SEC16A: variants seen among roughly 807,000 people sequenced by gnomAD.
The protein encoded by SEC16A is protein transport protein Sec16A.
SEC16A carries 110 observed loss-of-function variants against 221.9 expected under a neutral mutation model. The ratio of observed to expected loss-of-function variants is 0.50; its 90% CI spans 0.42 to 0.58. The LOEUF (loss-of-function observed/expected upper bound fraction) is 0.58. Among genes scored for constraint, SEC16A ranks in the 20% least tolerant of loss-of-function variants. The pLI is 0.00. For missense variants in SEC16A, 3,165 were observed against 3,097.8 expected (o/e 1.02, Z -0.52); for synonymous variants, 1,393 against 1,257.7 (o/e 1.11, Z -2.28).
At chr9:136,470,788 C>T (rs892382939) in intron 4 of SEC16A, among the ~76,000 whole-genome samples, 2 of 152,252 alleles carry the variant, frequency 1.3e-5, no homozygotes, top group Non-Finnish European at 2.9e-5. Flanking sequence ...CTTTCAAAAA[C>T]AAGTGCAGGT....
At position 136,459,421 on chromosome 9, in the gene SEC16A, AC is replaced by A; in HGVS notation, c.5303+22del. 1 of 1,550,716 alleles carries A rather than the reference AC, an allele frequency of 6.4e-7. No homozygotes were observed. Among genetic ancestry groups the A allele is most frequent in the Non-Finnish European group, 8.8e-7 (1 of 1,135,870 alleles). ...TTACTTTGAAAGGAAAACTTACAGG[AC>A]TACACTGACTTGGTTCTTTACCTGT... On this transcript the variant is annotated intron_variant, in intron 16 of 31. Transcript: ENST00000684901. This position sits in a 1 kb window ranked among gnomAD's most constrained non-coding sequence, Gnocchi z 6.1.
intron 8 of SEC16A, among the ~76,000 whole-genome samples, chr9:136,465,158 T>C (rs568414221): frequency 4.7e-5 from 7 of 149,570 alleles, no homozygotes; most frequent in Non-Finnish European, 7.4e-5. Context: ...AAACAATACT[T>C]TAAGAAAGTA....
rs758443281 is a variant in SEC16A at position 136,474,782 on chromosome 9, C to A, written c.2834G>T (p.Arg945Leu). 50 of 1,613,844 alleles carry A rather than the reference C, an allele frequency of 3.1e-5. No individual in the cohort carries two copies. The highest frequency in any genetic ancestry group is 4.2e-5 in the Non-Finnish European group (50 of 1,179,896). The change falls in exon 3 of 32, where the codon CGT becomes CTT. Residue 945 changes from arginine (R) to leucine (L), a missense_variant. By Grantham distance (102) the Arg-to-Leu change is moderately radical. Transcript: ENST00000684901. ...ENLVPESQKDRKAGSALPGFA... is the reference protein window; with the variant it reads ...ENLVPESQKDLKAGSALPGFA... Reference sequence around the variant, plus strand: ...TCCGGGAAGAGCACTTCCTGCCTTACGATCCTTTTGACTTTCTGGAACCAA... The same window carrying A: ...TCCGGGAAGAGCACTTCCTGCCTTAAGATCCTTTTGACTTTCTGGAACCAA...
intron 11 of SEC16A, 147 bp downstream of exon 11, chr9:136,463,316 C>T: frequency 1.6e-6 from 2 of 1,250,428 alleles, no homozygotes; most frequent in African/African-American, 3.0e-5. Context: ...CCCTACCCAG[C>T]CACTACAGTG....
At chr9:136,461,026 G>A (rs1588941677) in intron 13 of SEC16A, 151 bp downstream of exon 13, 1 of 638,866 alleles carries the variant, frequency 1.6e-6, no homozygotes, top group East Asian at 2.7e-5. Flanking sequence ...ACGACCCAAG[G>A]AAGCCTCGAG....
At chr9:136,444,995 G>T in intron 30 of SEC16A, 57 bp downstream of exon 30, 1 of 1,515,564 alleles carries the variant, frequency 6.6e-7, no homozygotes. Flanking sequence ...GCGTGCTCAG[G>T]AACACAGGCG....
Position 136,477,065 on chromosome 9 carries a change from C to T in SEC16A, c.551G>A (p.Arg184Gln), listed in dbSNP as rs769090348. The T allele has an allele frequency of 4.3e-6, 7 of 1,613,762 alleles. No individual in the cohort carries two copies. In the Admixed American group the frequency reaches 1.0e-4, roughly 23 times the overall value. Residue 184 changes from arginine (R) to glutamine (Q), a missense_variant, in exon 3 of 32, where the codon CGA becomes CAA. Transcript: ENST00000684901. Reference sequence around the variant, plus strand: ...ATGTGGGTTTTGCCTGCTCAGGGGTCGGTCGAGCCCAGGCATGTTCCCATG... The same window carrying T: ...ATGTGGGTTTTGCCTGCTCAGGGGTTGGTCGAGCCCAGGCATGTTCCCATG... ...HPHGNMPGLD[R>Q]PLSRQNPHDG...
Position 136,474,939 on chromosome 9 carries a change from C to T in SEC16A, c.2677G>A (p.Val893Ile), listed in dbSNP as rs774989264. The change falls in exon 3 of 32, where the codon GTC becomes ATC. Residue 893 changes from valine (V) to isoleucine (I), a missense_variant. Physicochemically the swap from Val to Ile is conservative, Grantham distance 29. Coordinates refer to ENST00000684901, the MANE Select transcript of SEC16A (RefSeq NM_014866.2). ...TSLSGIPTSS[V>I]LSLSLPSSVA... ...CTGCTAGGCAGAGACAAGCTAAGGA[C>T]AGAGCTGGTTGGAATCCCAGACAAA... is the stretch of plus-strand genomic sequence containing the variant. 2 of 1,613,814 alleles carry T rather than the reference C, an allele frequency of 1.2e-6. No individual in the cohort carries two copies. Among genetic ancestry groups the T allele is most frequent in the Non-Finnish European group, 1.7e-6 (2 of 1,179,872 alleles).
chr9:136,441,668 C>T lies in SEC16A; in HGVS notation c.*87G>A, dbSNP rs899592817. The stretch of plus-strand genomic sequence containing the variant: ...AGTCACTGCTGTGTCTCCCTGGGGG[C>T]GGGACGGAGATCGCGGAGGTCGGTC... On this transcript the variant is annotated 3_prime_UTR_variant, in exon 32 of 32. Transcript: ENST00000684901. The T allele has an allele frequency of 8.6e-6, 10 of 1,167,702 alleles. No homozygotes were observed. Among genetic ancestry groups the T allele is most frequent in the Middle Eastern group, 1.9e-4 (1 of 5,198 alleles). The allele number at this position is 1,167,702 out of a possible 1,614,324, so 72.3% of individuals were successfully genotyped here.
Position 136,476,450 on chromosome 9 carries a change from G to A in SEC16A, c.1166C>T (p.Ser389Phe). 6.2e-7 allele frequency: 1 copy of A among 1,613,114 alleles called. No homozygotes were observed. Among genetic ancestry groups the A allele is most frequent in the Non-Finnish European group, 8.5e-7 (1 of 1,179,802 alleles). The part of the protein sequence containing the change: ...GETENEENLS[S>F]EKAGLSGQAD... The stretch of plus-strand genomic sequence containing the variant: ...TTGACCAGATAAGCCTGCTTTTTCA[G>A]ATGAGAGATTCTCCTCATTTTCTGT... The change falls in exon 3 of 32, where the codon TCT becomes TTT. Residue 389 changes from serine (S) to phenylalanine (F), a missense_variant. Transcript: ENST00000684901.
In SEC16A at chr9:136,447,549, C is replaced by T; in HGVS notation, c.6559+20G>A. On this transcript the variant is annotated intron_variant, in intron 26 of 31. Coordinates refer to ENST00000684901, the MANE Select transcript of SEC16A (RefSeq NM_014866.2). The surrounding 1 kb of genome is among the most constrained non-coding windows in gnomAD (Gnocchi z 5.5). ...ACAGTTAATCGTTCAAGCAAGCTCC[C>T]ACTCCAAGGCCACCCTTACCTGCTC... 6.3e-7 allele frequency: 1 copy of T among 1,594,036 alleles called. No individual in the cohort carries two copies. Among genetic ancestry groups the T allele is most frequent in the Non-Finnish European group, 8.6e-7 (1 of 1,162,026 alleles).
Position 136,447,111 on chromosome 9 carries a change from T to C in SEC16A, c.6697+116A>G, listed in dbSNP as rs952387349. ...AACCACAAACCAACCCCAGGCTCTC[T>C]GCATGCTGGCCAGGTCATTCTTTTA... On this transcript the variant is annotated intron_variant, in intron 27 of 31. Transcript: ENST00000684901. The surrounding 1 kb of genome is among the most constrained non-coding windows in gnomAD (Gnocchi z 5.5). 2.6e-6 allele frequency: 4 copies of C among 1,510,664 alleles called. No homozygotes were observed. The South Asian group carries it at 3.9e-5, about 15-fold the overall frequency. The allele number at this position is 1,510,664 out of a possible 1,614,324, so 93.6% of individuals were successfully genotyped here.
intron 19 of SEC16A, 121 bp from the exon 20 acceptor site, chr9:136,455,914 T>G: frequency 2.5e-6 from 3 of 1,216,804 alleles, no homozygotes; most frequent in Non-Finnish European, 3.4e-6. Flanking sequence ...CAAAGCCCTT[T>G]CTGGGGAATT....
At chr9:136,481,044 A>G (rs1190024475) in intron 1 of SEC16A, among the ~76,000 whole-genome samples, 2 of 150,272 alleles carry the variant, frequency 1.3e-5, no homozygotes, top group African/African-American at 4.9e-5. Context: ...ACTTGAACTG[A>G]TTTTTTTGAT....
upstream of SEC16A, chr9:136,484,424 T>C (rs1011852433): frequency 8.3e-7 from 1 of 1,199,584 alleles, no homozygotes; most frequent in African/African-American, 1.6e-5. Context: ...CGAGGGAGGC[T>C]GAGCGGTTGA....
At position 136,476,493 on chromosome 9, in the gene SEC16A, ACATCGC is replaced by A; in HGVS notation, c.1117_1122del (p.Ala373_Met374del). 1 of 1,613,092 alleles carries A rather than the reference ACATCGC, an allele frequency of 6.2e-7. No homozygotes were observed. Among genetic ancestry groups the A allele is most frequent in the Non-Finnish European group, 8.5e-7 (1 of 1,179,722 alleles). Reference sequence around the variant, plus strand: ...TTTTCTGTCTCTCCCCCTTGGAAAAACATCGCCAGAGCTCCTGAAGCTCCTGAGTCT... The same window carrying A: ...TTTTCTGTCTCTCCCCCTTGGAAAAACAGAGCTCCTGAAGCTCCTGAGTCT... On this transcript the variant is annotated inframe_deletion, in exon 3 of 32. Coordinates refer to ENST00000684901, the MANE Select transcript of SEC16A (RefSeq NM_014866.2).
At chr9:136,446,675 C>T (rs1837036225) in intron 28 of SEC16A, among the ~76,000 whole-genome samples, 180 bp downstream of exon 28, 1 of 152,168 alleles carries the variant, frequency 6.6e-6, no homozygotes, top group Non-Finnish European at 1.5e-5. Context: ...ACAGCTCTGT[C>T]CCGCCCGGCA....
In SEC16A at chr9:136,465,994, G is replaced by A. The variant is rs556126586; in HGVS notation, c.4271C>T (p.Pro1424Leu). 6.8e-6 allele frequency: 11 copies of A among 1,613,396 alleles called. No individual in the cohort carries two copies. In the Admixed American group the frequency reaches 1.0e-4, roughly 15 times the overall value. Residue 1424 changes from proline to leucine, a missense_variant, in exon 8 of 32, where the codon CCT becomes CTT. By Grantham distance (98) the Pro-to-Leu change is moderately conservative (BLOSUM62 -3). Transcript: ENST00000684901. ...CATGGCAGGCCAGACGGTGTCGGCA[G>A]GGTAGCCATACTCTGGGAAGCCGGG... ...SGPGFPEYGY[P>L]ADTVWPAMEQ... is the part of the protein sequence containing the mutation.
intron 5 of SEC16A, among the ~76,000 whole-genome samples, chr9:136,467,814 G>A (rs921303578): frequency 6.1e-4 from 93 of 152,282 alleles, no homozygotes; most frequent in African/African-American, 2.2e-3. Context: ...GGGGATTCAG[G>A]GCCCAGAGCA....
Sources: gnomAD v4.1 joint callset for allele counts (sites outside exome capture counted in the v4.1 genomes callset) on GRCh38, gnomAD v4.1.1 for gene constraint, Gnocchi (gnomAD v3.1) non-coding constraint, MANE v1.5 for transcripts, NCBI Gene and HGNC (gene_info 2026-07-23, HGNC 2026-07-21) for gene names.